NPNT: variants seen among roughly 807,000 people sequenced by gnomAD.
NPNT encodes the protein preosteoblast EGF-like repeat protein with MAM domain.
In NPNT, 45 loss-of-function variants were observed where a neutral mutation model predicts 68.6. The observed-to-expected ratio is 0.66, with a 90% CI of 0.52 to 0.84. The LOEUF is 0.84. NPNT is among the 40% of genes least tolerant of loss of function. The probability of loss-of-function intolerance (pLI) is 0.00; values close to 1 mark genes in which losing one functional copy is unlikely to be tolerated. For synonymous variants in NPNT, 233 were observed against 253.3 expected (o/e 0.92, Z 0.76); for missense variants, 672 against 714.8 (o/e 0.94, Z 0.68).
At chr4:105,937,645 TA>T (rs1258056457) in intron 4 of NPNT, among the ~76,000 whole-genome samples, 2 of 152,044 alleles carry the variant, frequency 1.3e-5, no homozygotes, top group African/African-American at 4.8e-5. Context: ...CAATTTCAAA[TA>T]AAAAATAAAT....
intron 3 of NPNT, chr4:105,929,715 A>C (rs1728965133): frequency 6.6e-6 from 1 of 151,930 alleles, no homozygotes; most frequent in Non-Finnish European, 1.5e-5. Flanking sequence ...GTGAGGATAT[A>C]AAATATAAAG....
intron 2 of NPNT, among the ~76,000 whole-genome samples, chr4:105,905,367 A>C (rs1726804382): frequency 6.6e-6 from 1 of 152,210 alleles, no homozygotes; most frequent in Non-Finnish European, 1.5e-5. Context: ...GACAGCAGTG[A>C]AGGTAAGTAT....
chr4:105,897,792 T>C (rs1725986046), intron 1 of NPNT, 109 bp from the exon 2 acceptor site: 2 of 806,396 alleles, frequency 2.5e-6, no homozygotes, highest in South Asian at 3.2e-5. Flanking sequence ...AAAGAGTTTG[T>C]AGAAAATTGT....
At chr4:105,959,262 C>G (rs1731490864) in intron 10 of NPNT, 136 bp downstream of exon 10, 1 of 593,324 alleles carries the variant, frequency 1.7e-6, no homozygotes, top group Non-Finnish European at 3.0e-6. Flanking sequence ...AGGACCATGC[C>G]TAGCATTTAT....
At chr4:105,932,881 G>A (rs1327645200) in intron 3 of NPNT, among the ~76,000 whole-genome samples, 3 of 152,164 alleles carry the variant, frequency 2.0e-5, no homozygotes, top group African/African-American at 7.2e-5. Context: ...TGAAAAGCAT[G>A]GAGCCCTACT....
intron 2 of NPNT, among the ~76,000 whole-genome samples, chr4:105,923,319 T>C (rs998469523): frequency 6.6e-6 from 1 of 152,146 alleles, no homozygotes; most frequent in African/African-American, 2.4e-5. Context: ...AATAAAGTTT[T>C]TTTTTTACAT....
chr4:105,947,519 A>C (rs1427620766), intron 8 of NPNT, among the ~76,000 whole-genome samples: 1 of 152,082 alleles, frequency 6.6e-6, no homozygotes, highest in African/African-American at 2.4e-5. Context: ...CCACTGGAGC[A>C]TTTTTCCTTA....
At chr4:105,953,548 C>G (rs1730991149) in intron 8 of NPNT, among the ~76,000 whole-genome samples, 1 of 152,162 alleles carries the variant, frequency 6.6e-6, no homozygotes, top group African/African-American at 2.4e-5. Context: ...GCTTTTCTCT[C>G]TGATCACTTA....
intron 2 of NPNT, among the ~76,000 whole-genome samples, chr4:105,907,081 A>G (rs1726960499): frequency 6.6e-6 from 1 of 152,186 alleles, no homozygotes; most frequent in South Asian, 2.1e-4. Flanking sequence ...TGTTTTCTTA[A>G]TTCACCTGGA....
chr4:105,923,413 T>C (rs1392645457), intron 2 of NPNT, among the ~76,000 whole-genome samples: 2 of 152,186 alleles, frequency 1.3e-5, no homozygotes, highest in Non-Finnish European at 2.9e-5. Context: ...AACTCTTCTA[T>C]CCTAAATTTG....
In NPNT at chr4:105,965,447, ATGT is replaced by A. The variant is rs562494086; in HGVS notation, c.1346-1737_1346-1735del. Reference sequence around the variant, plus strand: ...AAGAACAATCATAACCTCATTTATCATGTTGTAAATTTTAGAGTTTTAAATGCA... The same window carrying A: ...AAGAACAATCATAACCTCATTTATCATGTAAATTTTAGAGTTTTAAATGCA... On this transcript the variant is annotated intron_variant, in intron 10 of 11. Coordinates refer to ENST00000379987, the MANE Select transcript of NPNT (RefSeq NM_001033047.3). Among the ~76,000 whole-genome samples, 57 of 151,830 alleles carry A rather than the reference ATGT, an allele frequency of 3.8e-4. 1 individual carries two copies. Among genetic ancestry groups the A allele is most frequent in the South Asian group, 1.5e-3 (7 of 4,800 alleles).
chr4:105,932,795 C>A, intron 3 of NPNT: 1 of 833,284 alleles, frequency 1.2e-6, no homozygotes, highest in South Asian at 1.6e-5. Flanking sequence ...GAAGACTAGC[C>A]CAGGAGTGTC....
At chr4:105,952,047 GT>G (rs1730879413) in intron 8 of NPNT, among the ~76,000 whole-genome samples, 1 of 152,274 alleles carries the variant, frequency 6.6e-6, no homozygotes, top group East Asian at 1.9e-4. Context: ...TGCTTGGCAT[GT>G]AGTAATAACT....
intron 10 of NPNT, among the ~76,000 whole-genome samples, chr4:105,963,041 A>G (rs948096547): frequency 6.6e-6 from 1 of 152,146 alleles, no homozygotes; most frequent in Non-Finnish European, 1.5e-5. Flanking sequence ...CCTGGCCAAC[A>G]TAGTGAAACC....
intron 2 of NPNT, among the ~76,000 whole-genome samples, chr4:105,920,679 TA>T (rs1440477078): frequency 6.6e-6 from 1 of 152,038 alleles, no homozygotes; most frequent in Non-Finnish European, 1.5e-5. Context: ...CTTCAGGAAT[TA>T]AAATTTAAAT....
chr4:105,909,298 G>A (rs1230077178), intron 2 of NPNT, among the ~76,000 whole-genome samples: 1 of 151,968 alleles, frequency 6.6e-6, no homozygotes, highest in African/African-American at 2.4e-5. Flanking sequence ...TGGTTTCAGG[G>A]TCCCTTGTCT....
intron 7 of NPNT, 65 bp from the exon 8 acceptor site, chr4:105,942,242 A>T: frequency 8.1e-7 from 1 of 1,234,808 alleles, no homozygotes; most frequent in Non-Finnish European, 1.1e-6. Context: ...TATGTCTGTC[A>T]GTGTAATGCT....
intron 10 of NPNT, among the ~76,000 whole-genome samples, chr4:105,960,014 G>A (rs1161386294): frequency 6.6e-6 from 1 of 152,074 alleles, no homozygotes; most frequent in African/African-American, 2.4e-5. Context: ...GTTTCACCCT[G>A]TTAGCCAGGA....
At chr4:105,914,787 G>C (rs1215292322) in intron 2 of NPNT, among the ~76,000 whole-genome samples, 8 of 151,976 alleles carry the variant, frequency 5.3e-5, no homozygotes, top group Non-Finnish European at 1.2e-4. Flanking sequence ...TGCATTTAAA[G>C]CTCAGTAGCC....
Sources: gnomAD v4.1 joint callset for allele counts (sites outside exome capture counted in the v4.1 genomes callset) on GRCh38, gnomAD v4.1.1 for gene constraint, MANE v1.5 for transcripts, NCBI Gene and HGNC (gene_info 2026-07-23, HGNC 2026-07-21) for gene names.